NRG3: variants seen among roughly 807,000 people sequenced by gnomAD.
NRG3 encodes the protein neuregulin 3, also known as pro-neuregulin-3, membrane-bound isoform.
In NRG3, 31 loss-of-function variants were observed where a neutral mutation model predicts 66.9. The ratio of observed to expected loss-of-function variants is 0.46; its 90% CI spans 0.35 to 0.63. The LOEUF (loss-of-function observed/expected upper bound fraction) is 0.63, where lower values mean the gene tolerates loss of function less well. Among genes scored for constraint, NRG3 ranks in the 20% least tolerant of loss-of-function variants. The pLI, the probability that NRG3 is intolerant of heterozygous loss-of-function variation, is 0.00. For synonymous variants in NRG3, 393 were observed against 359.4 expected, an observed-to-expected ratio of 1.09 and a Z score of -1.06; for missense variants, 910 against 878.9, an observed-to-expected ratio of 1.04 and a Z score of -0.45.
rs1464929990 is a variant in NRG3 at position 82,192,184 on chromosome 10, CTT to C, written c.824-166554_824-166553del. Among the ~76,000 whole-genome samples the C allele has an allele frequency of 3.3e-5, 5 of 152,242 alleles. No individual in the cohort carries two copies. The East Asian group carries it at 9.7e-4, about 29-fold the overall frequency. On this transcript the variant is annotated intron_variant, in intron 1 of 8. Coordinates refer to ENST00000372141, the MANE Select transcript of NRG3 (RefSeq NM_001010848.4). Reference sequence around the variant, plus strand: ...GTAACTCAGTGCAACCCGTTTACCTCTTAGGATTCTTCCCAGCAGAAAACGCT... The same window carrying C: ...GTAACTCAGTGCAACCCGTTTACCTCAGGATTCTTCCCAGCAGAAAACGCT...
chr10:82,954,260 A>T (rs1424703665), intron 5 of NRG3, among the ~76,000 whole-genome samples: 1 of 151,972 alleles, frequency 6.6e-6, no homozygotes, highest in Non-Finnish European at 1.5e-5. Flanking sequence ...TATAATGTGT[A>T]GTTGTACCAC....
intron 3 of NRG3, among the ~76,000 whole-genome samples, chr10:82,784,790 A>C (rs2060274237): frequency 6.6e-6 from 1 of 152,062 alleles, no homozygotes; most frequent in Admixed American, 6.5e-5. Flanking sequence ...TGTGGAAGTC[A>C]GTGTGGCGAT....
At chr10:82,248,823 T>C (rs1430459699) in intron 1 of NRG3, among the ~76,000 whole-genome samples, 2 of 152,234 alleles carry the variant, frequency 1.3e-5, no homozygotes, top group Non-Finnish European at 1.5e-5. Flanking sequence ...CTGTTTCATA[T>C]TCATATTTGC....
intron 4 of NRG3, among the ~76,000 whole-genome samples, chr10:82,904,897 T>A (rs957202338): frequency 3.3e-5 from 5 of 152,156 alleles, no homozygotes; most frequent in African/African-American, 9.7e-5. Context: ...CAAGCTTAAT[T>A]CTAACAGAAA....
chr10:82,084,660 A>G (rs1466301951), intron 1 of NRG3, among the ~76,000 whole-genome samples: 2 of 152,144 alleles, frequency 1.3e-5, no homozygotes, highest in Non-Finnish European at 2.9e-5. Flanking sequence ...TTTTCTGTGA[A>G]CATTTTGAAA....
chr10:82,791,299 G>GT (rs149307278), intron 3 of NRG3, among the ~76,000 whole-genome samples: 21,017 of 144,248 alleles, frequency 0.15, 1,546 homozygotes, highest in Non-Finnish European at 0.17. Context: ...GTTTATTGCT[G>GT]TTTTTTTTTT....
chr10:82,396,150 AGATTTT>A (rs1203218201), intron 2 of NRG3, among the ~76,000 whole-genome samples: 5 of 152,138 alleles, frequency 3.3e-5, no homozygotes, highest in African/African-American at 1.2e-4. Context: ...TATCCTTTTG[AGATTTT>A]CATGGTGTGA....
intron 3 of NRG3, among the ~76,000 whole-genome samples, chr10:82,792,946 G>A (rs1330678806): frequency 6.6e-6 from 1 of 152,028 alleles, no homozygotes; most frequent in African/African-American, 2.4e-5. Context: ...GTCCCAAAGT[G>A]CTGGGATTAC....
At chr10:82,166,440 T>G (rs1400424312) in intron 1 of NRG3, among the ~76,000 whole-genome samples, 1 of 152,174 alleles carries the variant, frequency 6.6e-6, no homozygotes, top group Non-Finnish European at 1.5e-5. Context: ...TATTAAAATC[T>G]ATATTTGTGA....
intron 1 of NRG3, among the ~76,000 whole-genome samples, chr10:82,048,943 A>T (rs1290145051): frequency 6.6e-6 from 1 of 152,176 alleles, no homozygotes; most frequent in Non-Finnish European, 1.5e-5. Context: ...ACAGAAATAC[A>T]AACTACCAAC....
chr10:82,023,064 CT>C (rs1290272052), intron 1 of NRG3, among the ~76,000 whole-genome samples: 1 of 151,372 alleles, frequency 6.6e-6, no homozygotes, highest in Non-Finnish European at 1.5e-5. Flanking sequence ...CTTATGTTCT[CT>C]TCCAGCTATT....
intron 1 of NRG3, among the ~76,000 whole-genome samples, chr10:82,356,694 A>G (rs780343153): frequency 1.3e-5 from 2 of 152,218 alleles, no homozygotes; most frequent in Non-Finnish European, 2.9e-5. Context: ...CTCGTGGAAT[A>G]TGAGTAACAT....
chr10:81,972,374 T>A (rs2059963514), intron 1 of NRG3, among the ~76,000 whole-genome samples: 1 of 151,530 alleles, frequency 6.6e-6, no homozygotes, highest in Non-Finnish European at 1.5e-5. Context: ...TCAAGAAAAA[T>A]CCAGAACAGC....
intron 1 of NRG3, among the ~76,000 whole-genome samples, chr10:82,016,406 G>C (rs565432418): frequency 6.6e-6 from 1 of 152,136 alleles, no homozygotes; most frequent in African/African-American, 2.4e-5. Flanking sequence ...AAGCATGAAG[G>C]TACAAAGAAA....
At chr10:81,949,543 C>T (rs17647165) in intron 1 of NRG3, among the ~76,000 whole-genome samples, 5,068 of 152,100 alleles carry the variant, frequency 0.033, 106 homozygotes, top group Non-Finnish European at 0.047. Context: ...GTGATATGCC[C>T]GAGGGTTTAG....
intron 2 of NRG3, among the ~76,000 whole-genome samples, chr10:82,387,483 T>C (rs2086079469): frequency 6.6e-6 from 1 of 152,200 alleles, no homozygotes; most frequent in African/African-American, 2.4e-5. Context: ...AACATTCTTG[T>C]TTTTCAGAAT....
chr10:82,052,858 T>C (rs2063665058), intron 1 of NRG3, among the ~76,000 whole-genome samples: 1 of 152,188 alleles, frequency 6.6e-6, no homozygotes. Flanking sequence ...AAAAGTTTTC[T>C]TTTGGTCTTG....
intron 1 of NRG3, among the ~76,000 whole-genome samples, chr10:82,346,857 G>A (rs2083062054): frequency 6.6e-6 from 1 of 152,094 alleles, no homozygotes; most frequent in South Asian, 2.1e-4. Flanking sequence ...TTGTGTAGAG[G>A]TGTTTGTAGT....
rs77000966 is a variant in NRG3 at position 82,103,974 on chromosome 10, T to C, written c.823+227811T>C. Among the ~76,000 whole-genome samples, 12 of 116,070 alleles carry C rather than the reference T, an allele frequency of 1.0e-4. No homozygotes were observed. In the South Asian group the frequency reaches 2.2e-3, roughly 21 times the overall value. 76.1% of individuals were successfully genotyped at this position (116,070 alleles called of 152,430 possible). ...CTACTAGAAAGATTTTTCTCGTGCC[T>C]TTTTTTTTTTTTAATTTTTATACCT... On this transcript the variant is annotated intron_variant, in intron 1 of 8. Coordinates refer to ENST00000372141, the MANE Select transcript of NRG3 (RefSeq NM_001010848.4).
Sources: allele counts gnomAD v4.1 joint callset (sites outside exome capture counted in the v4.1 genomes callset), GRCh38; gene constraint gnomAD v4.1.1; transcripts MANE v1.5; gene names NCBI Gene and HGNC (gene_info 2026-07-23, HGNC 2026-07-21).